The following BCAS3 variants were observed in gnomAD, a reference collection of about 807,000 sequenced individuals.
BCAS3 encodes the protein BCAS4/BCAS3 fusion.
A neutral mutation model predicts 116.1 loss-of-function variants in BCAS3; 53 were observed. That is an observed-to-expected ratio of 0.46 (90% CI 0.37 to 0.57). The LOEUF is 0.57. Among genes scored for constraint, BCAS3 ranks in the 20% least tolerant of loss-of-function variants. The pLI is 0.00. For synonymous variants in BCAS3, 391 were observed against 408.2 expected (o/e 0.96, Z 0.51); for missense variants, 917 against 1,165.4 (o/e 0.79, Z 3.10).
In BCAS3 at chr17:61,339,558, G is replaced by A. The variant is rs961683805; in HGVS notation, c.2426-28769G>A. Among the ~76,000 whole-genome samples, 3 of 152,128 alleles carry A rather than the reference G, an allele frequency of 2.0e-5. No individual in the cohort carries two copies. Among genetic ancestry groups the A allele is most frequent in the Admixed American group, 2.0e-4 (3 of 15,274 alleles). ...AGGTGAGCAGATCACCTGAGGTCAG[G>A]AGTTCGAGACCAGCCTAGCCAACAT... is the stretch of plus-strand genomic sequence containing the variant. On this transcript the variant is annotated intron_variant, in intron 22 of 23. Transcript: ENST00000407086. The surrounding 1 kb of genome is among the most constrained non-coding windows in gnomAD (Gnocchi z 4.4).
intron 7 of BCAS3, among the ~76,000 whole-genome samples, chr17:60,826,181 A>T (rs2050405215): frequency 6.6e-6 from 1 of 151,434 alleles, no homozygotes; most frequent in Admixed American, 6.6e-5. Flanking sequence ...TGATTGATTA[A>T]TTAATTAATT....
intron 19 of BCAS3, among the ~76,000 whole-genome samples, chr17:61,052,564 A>G (rs1300983715): frequency 6.6e-6 from 1 of 152,176 alleles, no homozygotes; most frequent in Non-Finnish European, 1.5e-5. Flanking sequence ...TACTTTGGGA[A>G]TTAGAAAAGA....
At chr17:61,338,888 GAAAAAAAAAAAA>G (rs57701817) in intron 22 of BCAS3, among the ~76,000 whole-genome samples, 181 of 67,326 alleles carry the variant, frequency 2.7e-3, no homozygotes, top group African/African-American at 6.8e-3. Context: ...CCCTTACTGG[GAAAAAAAAAAAA>G]AAAAAAAAAA....
At position 61,380,422 on chromosome 17, in the gene BCAS3, A is replaced by G; in HGVS notation, c.2594-11555A>G. On this transcript the variant is annotated intron_variant, in intron 23 of 23. Transcript: ENST00000407086. This position sits in a 1 kb window ranked among gnomAD's most constrained non-coding sequence, Gnocchi z 4.2. Reference sequence around the variant, plus strand: ...GTGGTCAAACCAGATTTGGGTATCGACTCACTTTGATCTCAGCTCTTCCTG... The same window carrying G: ...GTGGTCAAACCAGATTTGGGTATCGGCTCACTTTGATCTCAGCTCTTCCTG... The G allele has an allele frequency of 7.5e-7, 1 of 1,325,778 alleles. No individual in the cohort carries two copies. 82.1% of individuals were successfully genotyped at this position (1,325,778 alleles called of 1,614,324 possible). A position where few individuals can be genotyped will look rare whatever the true frequency, so the allele number is the denominator to read the frequency against.
intron 6 of BCAS3, among the ~76,000 whole-genome samples, chr17:60,754,937 A>G (rs530679099): frequency 6.6e-6 from 1 of 152,356 alleles, no homozygotes; most frequent in Non-Finnish European, 1.5e-5. Context: ...ATTTTTAAAA[A>G]TAACACCTAG....
rs1034333584 is a variant in BCAS3, at chr17:61,208,381, C to T, written c.2425+123817C>T. Among the ~76,000 whole-genome samples the T allele has an allele frequency of 3.9e-5, 6 of 152,160 alleles. No homozygotes were observed. Among genetic ancestry groups the T allele is most frequent in the African/African-American group, 1.4e-4 (6 of 41,430 alleles). ...CAGCCTGACTTTAAATCCATAGTTTCATTTTCTAACATTATTAATGATTAA... is the reference window on the plus strand; with the variant it reads ...CAGCCTGACTTTAAATCCATAGTTTTATTTTCTAACATTATTAATGATTAA... On this transcript the variant is annotated intron_variant, in intron 22 of 23. Coordinates refer to ENST00000407086, the MANE Select transcript of BCAS3 (RefSeq NM_017679.5). This position sits in a 1 kb window ranked among gnomAD's most constrained non-coding sequence, Gnocchi z 4.5.
chr17:61,194,192 A>G (rs550299035), intron 22 of BCAS3, among the ~76,000 whole-genome samples: 2 of 152,324 alleles, frequency 1.3e-5, no homozygotes, highest in South Asian at 4.1e-4. Flanking sequence ...ATTAGCTCGT[A>G]TTAGTGGTGT....
At chr17:60,803,701 C>T (rs1468299394) in intron 6 of BCAS3, among the ~76,000 whole-genome samples, 1 of 151,472 alleles carries the variant, frequency 6.6e-6, no homozygotes, top group Non-Finnish European at 1.5e-5. Flanking sequence ...TATATATTCA[C>T]ATGGTTTGAA....
At chr17:61,242,344 A>G (rs1602137325) in intron 22 of BCAS3, among the ~76,000 whole-genome samples, 1 of 151,962 alleles carries the variant, frequency 6.6e-6, no homozygotes, top group Admixed American at 6.6e-5. Context: ...CCTAAAGGAG[A>G]CCTTGAGATG....
At position 61,364,982 on chromosome 17, in the gene BCAS3, A is replaced by T. The variant is rs1464377465; in HGVS notation, c.2426-3345A>T. 6.6e-6 allele frequency among the ~76,000 whole-genome samples: 1 copy of T among 152,216 alleles called. No homozygotes were observed. The highest frequency in any genetic ancestry group is 1.5e-5 in the Non-Finnish European group (1 of 68,034). On this transcript the variant is annotated intron_variant, in intron 22 of 23. Coordinates refer to ENST00000407086, the MANE Select transcript of BCAS3 (RefSeq NM_017679.5). The surrounding 1 kb of genome is among the most constrained non-coding windows in gnomAD (Gnocchi z 5.4). ...AAAGGCATACATATTTGTCATTAAG[A>T]ACATATACATGAACACACCTATTAC...
intron 7 of BCAS3, among the ~76,000 whole-genome samples, chr17:60,814,802 T>C (rs1013790207): frequency 3.3e-5 from 5 of 152,198 alleles, no homozygotes; most frequent in African/African-American, 1.2e-4. Flanking sequence ...CTCCTTTACA[T>C]GATAGCAATA....
Position 61,026,940 on chromosome 17 carries a change from A to G in BCAS3, c.1638-7726A>G, listed in dbSNP as rs1385878425. ...GTTCCAGTTCAGTCCCGCATGCCTC[A>G]TTCATTTGCTGTACTCTCAAAAAGT... On this transcript the variant is annotated intron_variant, in intron 16 of 23. Transcript: ENST00000407086. The surrounding 1 kb of genome is among the most constrained non-coding windows in gnomAD (Gnocchi z 5.0). 2 of 1,585,142 alleles carry G rather than the reference A, an allele frequency of 1.3e-6. No individual in the cohort carries two copies. The highest frequency in any genetic ancestry group is 1.7e-6 in the Non-Finnish European group (2 of 1,162,224).
chr17:60,758,588 G>T (rs550027060), intron 6 of BCAS3, among the ~76,000 whole-genome samples: 1 of 151,914 alleles, frequency 6.6e-6, no homozygotes, highest in African/African-American at 2.4e-5. Context: ...TGTCATGTTG[G>T]CCAGGCTGGT....
At position 61,144,136 on chromosome 17, in the gene BCAS3, T is replaced by C. The variant is rs2077071857; in HGVS notation, c.2425+59572T>C. ...TCCTTTCTACTCTTTTTTTTGCCGT[T>C]GTCCCTATTTTTTGCCACTGGTAAA... On this transcript the variant is annotated intron_variant, in intron 22 of 23. Coordinates refer to ENST00000407086, the MANE Select transcript of BCAS3 (RefSeq NM_017679.5). The surrounding 1 kb of genome is among the most constrained non-coding windows in gnomAD (Gnocchi z 5.0). 1.3e-5 allele frequency among the ~76,000 whole-genome samples: 2 copies of C among 152,208 alleles called. No individual in the cohort carries two copies. Among genetic ancestry groups the C allele is most frequent in the Non-Finnish European group, 2.9e-5 (2 of 68,034 alleles).
chr17:61,195,568 G>C (rs1005394730), intron 22 of BCAS3, among the ~76,000 whole-genome samples: 4 of 150,916 alleles, frequency 2.7e-5, no homozygotes, highest in African/African-American at 9.8e-5. Context: ...GTAGAGACAG[G>C]GTTTTGCCAT....
intron 14 of BCAS3, 124 bp from the exon 15 acceptor site, chr17:60,989,847 C>T (rs934968451): frequency 4.7e-6 from 5 of 1,056,908 alleles, no homozygotes; most frequent in Non-Finnish European, 6.9e-6. Context: ...TTATTTATTA[C>T]CTGATCTTAG....
intron 22 of BCAS3, among the ~76,000 whole-genome samples, chr17:61,335,231 A>C: frequency 6.6e-6 from 1 of 152,246 alleles, no homozygotes; most frequent in East Asian, 1.9e-4. Flanking sequence ...CGTTCACAGC[A>C]GCGATTCCTT....
At chr17:60,902,576 T>G (rs747739887) in intron 10 of BCAS3, 44 bp from the exon 11 acceptor site, 10 of 1,462,928 alleles carry the variant, frequency 6.8e-6, no homozygotes, top group Non-Finnish European at 9.6e-6. Flanking sequence ...GTTAAACAGA[T>G]TAATAGAAAT....
At chr17:60,739,757 T>A (rs1413149603) in intron 5 of BCAS3, among the ~76,000 whole-genome samples, 1 of 152,242 alleles carries the variant, frequency 6.6e-6, no homozygotes, top group African/African-American at 2.4e-5. Context: ...TAACATTTCT[T>A]GCAAGGCAGG....
Sources: gnomAD v4.1 joint callset for allele counts (sites outside exome capture counted in the v4.1 genomes callset) on GRCh38, gnomAD v4.1.1 for gene constraint, Gnocchi (gnomAD v3.1) non-coding constraint, MANE v1.5 for transcripts, NCBI Gene and HGNC (gene_info 2026-07-23, HGNC 2026-07-21) for gene names.